The following ABHD5 variants were observed in gnomAD, a reference collection of about 807,000 sequenced individuals.
ABHD5 encodes the protein 1-acylglycerol-3-phosphate O-acyltransferase ABHD5.
A neutral mutation model predicts 44.9 loss-of-function variants in ABHD5; 30 were observed. The ratio of observed to expected loss-of-function variants is 0.67; its 90% CI spans 0.50 to 0.91. The LOEUF (loss-of-function observed/expected upper bound fraction) is 0.91. Among genes scored for constraint, ABHD5 ranks in the 40% least tolerant of loss-of-function variants. ABHD5 has a pLI of 0.00. For missense variants in ABHD5, 399 were observed against 423.4 expected, an observed-to-expected ratio of 0.94 and a Z score of 0.50; for synonymous variants, 167 against 147.0, an observed-to-expected ratio of 1.14 and a Z score of -0.99.
At chr3:43,710,805 A>C (rs756144297) in intron 3 of ABHD5, among the ~76,000 whole-genome samples, 1 of 152,330 alleles carries the variant, frequency 6.6e-6, no homozygotes, top group Non-Finnish European at 1.5e-5. Flanking sequence ...TGGCTTGGTT[A>C]CAGTTGAACA....
At chr3:43,702,659 G>C (rs1363877880) in intron 3 of ABHD5, 72 bp downstream of exon 3, 2 of 1,609,732 alleles carry the variant, frequency 1.2e-6, no homozygotes, top group African/African-American at 1.3e-5. Flanking sequence ...CCCATCTTTG[G>C]TGGTTGTTAG....
At chr3:43,711,932 A>T (rs2084693572) in intron 4 of ABHD5, 69 bp downstream of exon 4, 1 of 1,603,912 alleles carries the variant, frequency 6.2e-7, no homozygotes, top group Admixed American at 1.7e-5. Context: ...CACTATTGTT[A>T]GTCAAAATCT....
chr3:43,725,062 G>A (rs904503247), downstream of ABHD5, among the ~76,000 whole-genome samples: 2 of 152,282 alleles, frequency 1.3e-5, no homozygotes, highest in East Asian at 1.9e-4. Flanking sequence ...AGTAGGACAG[G>A]TGTTGAATGT....
intron 7 of ABHD5, among the ~76,000 whole-genome samples, chr3:43,729,184 C>A (rs534977084): frequency 6.6e-6 from 1 of 152,218 alleles, no homozygotes; most frequent in East Asian, 1.9e-4. Context: ...ACAACAGTAA[C>A]GACTTTGTGG....
At chr3:43,696,891 GA>G (rs1216764385) in intron 1 of ABHD5, among the ~76,000 whole-genome samples, 2 of 151,900 alleles carry the variant, frequency 1.3e-5, no homozygotes, top group East Asian at 1.9e-4. Flanking sequence ...TTTTCTGTTA[GA>G]AAAAAACCCA....
intron 7 of ABHD5, among the ~76,000 whole-genome samples, chr3:43,728,843 G>A (rs1016683387): frequency 1.3e-5 from 2 of 152,140 alleles, no homozygotes; most frequent in Admixed American, 6.5e-5. Flanking sequence ...TAAAGCCTGC[G>A]TGCTTCCTGG....
In ABHD5 at chr3:43,717,663, C is replaced by G; in HGVS notation, c.774-8C>G. 2.5e-6 allele frequency: 4 copies of G among 1,614,004 alleles called. No homozygotes were observed. The highest frequency in any genetic ancestry group is 3.4e-6 in the Non-Finnish European group (4 of 1,179,934). The stretch of plus-strand genomic sequence containing the variant: ...TCATACATCGTGATTTTCTCCTTGC[C>G]GTTAAAGTGGTGAGACAGCTTTCAA... On this transcript the variant is annotated splice_region_variant and splice_polypyrimidine_tract_variant and intron_variant, in intron 5 of 6. Transcript: ENST00000644371.
At chr3:43,698,534 T>C (rs1426906730) in intron 1 of ABHD5, among the ~76,000 whole-genome samples, 1 of 152,170 alleles carries the variant, frequency 6.6e-6, no homozygotes, top group African/African-American at 2.4e-5. Flanking sequence ...ACCCTCTCTT[T>C]TGTTGGCTAC....
At chr3:43,704,977 G>C (rs969183574) in intron 3 of ABHD5, among the ~76,000 whole-genome samples, 1 of 152,112 alleles carries the variant, frequency 6.6e-6, no homozygotes, top group Non-Finnish European at 1.5e-5. Flanking sequence ...ATTCTTAACT[G>C]CATAAAACTT....
chr3:43,732,158 C>T (rs1055380660), intron 7 of ABHD5, among the ~76,000 whole-genome samples: 5 of 151,970 alleles, frequency 3.3e-5, no homozygotes, highest in African/African-American at 7.3e-5. Context: ...GGGCTTGGCA[C>T]GGTGGCTCAT....
intron 1 of ABHD5, among the ~76,000 whole-genome samples, chr3:43,697,831 G>A (rs1163949310): frequency 1.3e-5 from 2 of 152,096 alleles, no homozygotes; most frequent in African/African-American, 4.8e-5. Flanking sequence ...AGTCATTTGA[G>A]AAAAAAGCAC....
At chr3:43,699,595 C>A in intron 2 of ABHD5, 1 of 474,766 alleles carries the variant, frequency 2.1e-6, no homozygotes, top group East Asian at 3.8e-5. Flanking sequence ...AGTAAGGACC[C>A]CAAGGAGATT....
chr3:43,707,537 C>T (rs1463795571), intron 3 of ABHD5: 1 of 152,172 alleles, frequency 6.6e-6, no homozygotes, highest in African/African-American at 2.4e-5. Context: ...CTTCATTTTG[C>T]AAATGCCTCC....
intron 1 of ABHD5, among the ~76,000 whole-genome samples, chr3:43,693,224 G>A (rs2084423816): frequency 6.6e-6 from 1 of 152,210 alleles, no homozygotes; most frequent in African/African-American, 2.4e-5. Flanking sequence ...TGCTGGAGTT[G>A]ATTTGTACCA....
At chr3:43,714,810 A>G (rs1026722309) in intron 4 of ABHD5, 137 bp from the exon 5 acceptor site, 6 of 601,078 alleles carry the variant, frequency 1.0e-5, no homozygotes, top group East Asian at 3.3e-5. Context: ...CCCACCTACA[A>G]TATATATTTG....
rs569103879 is a variant in ABHD5 at position 43,721,401 on chromosome 3, A to G, written c.*2869A>G. The G allele has an allele frequency of 1.1e-4, 16 of 152,254 alleles. No individual in the cohort carries two copies. Among genetic ancestry groups the G allele is most frequent in the Middle Eastern group, 3.4e-3 (1 of 294 alleles). The allele number at this position is 152,254 out of a possible 1,614,324, so 9.4% of individuals were successfully genotyped here. On this transcript the variant is annotated 3_prime_UTR_variant, in exon 7 of 7. Coordinates refer to ENST00000644371, the MANE Select transcript of ABHD5 (RefSeq NM_016006.6). ...AGTGAGAAAAACTTTCCTAGGACTG[A>G]AAATTCAGAAGCAATAAAAAGAGAA...
chr3:43,702,381 C>G lies in ABHD5; in HGVS notation c.300C>G (p.Thr100=), dbSNP rs148750021. ...CACTGAATTTTGGAGATCTTTGCAC[C>G]AACAGACCTGTCTATGCTTTTGACC... is the stretch of plus-strand genomic sequence containing the variant. ...LWALNFGDLC[T]NRPVYAFDLL... is the part of the protein sequence containing the mutation. The change falls in exon 3 of 7, where the codon ACC becomes ACG. Residue 100 remains threonine, a synonymous_variant. Transcript: ENST00000644371. 2.0e-5 allele frequency: 33 copies of G among 1,614,022 alleles called. No individual in the cohort carries two copies. In the African/African-American group the frequency reaches 3.2e-4, roughly 16 times the overall value.
rs114692651 is a variant in ABHD5 at position 43,717,923 on chromosome 3, A to G, written c.960+66A>G. 943 of 1,601,660 alleles carry G rather than the reference A, an allele frequency of 5.9e-4. 5 individuals carry two copies. The African/African-American group carries it at 0.011, about 19-fold the overall frequency. On this transcript the variant is annotated intron_variant, in intron 6 of 6. Transcript: ENST00000644371. ...GGTCCGTTTTATTATCTCCCTTAAA[A>G]GAGGTTTTAGGTCATCCTCGTGTTG...
rs542974582 is a variant in ABHD5 at position 43,717,749 on chromosome 3, G to A, written c.852G>A (p.Met284Ile). ...CAATGCTCCAGCGAATTGGTAAAAT[G>A]CACCCTGACATTCCAGTTTCAGTGA... The part of the protein sequence containing the change: ...KRPMLQRIGK[M>I]HPDIPVSVIF... Residue 284 changes from methionine (M) to isoleucine (I), a missense_variant, in exon 6 of 7, where the codon ATG becomes ATA. Met to Ile is a conservative substitution (Grantham distance 10, BLOSUM62 1). Transcript: ENST00000644371. 2.5e-5 allele frequency: 41 copies of A among 1,614,204 alleles called. No homozygotes were observed. The African/African-American group carries it at 4.9e-4, about 19-fold the overall frequency.
Sources: gnomAD v4.1 joint callset for allele counts (sites outside exome capture counted in the v4.1 genomes callset) on GRCh38, gnomAD v4.1.1 for gene constraint, MANE v1.5 for transcripts, NCBI Gene and HGNC (gene_info 2026-07-23, HGNC 2026-07-21) for gene names.